NSA2: variants seen among roughly 807,000 people sequenced by gnomAD.
The protein encoded by NSA2 is ribosome biogenesis protein NSA2 homolog.
Under a neutral mutation model 34.8 loss-of-function variants are expected in NSA2, and 18 were observed. The ratio of observed to expected loss-of-function variants is 0.52; its 90% CI spans 0.36 to 0.77. The LOEUF (loss-of-function observed/expected upper bound fraction) is 0.77, where lower values mean the gene tolerates loss of function less well. Among genes scored for constraint, NSA2 ranks in the 30% least tolerant of loss-of-function variants. NSA2 has a pLI of 0.00. For missense variants in NSA2, 188 were observed against 314.7 expected, an observed-to-expected ratio of 0.60 and a Z score of 3.05; for synonymous variants, 79 against 100.2, an observed-to-expected ratio of 0.79 and a Z score of 1.26.
intron 3 of NSA2, chr5:74,769,575 C>A: frequency 4.9e-6 from 2 of 409,540 alleles, no homozygotes; most frequent in Non-Finnish European, 8.5e-6. Context: ...TATTAGAATG[C>A]CATATGAAAT....
Position 74,774,059 on chromosome 5 carries a change from G to T in NSA2, c.714G>T (p.Trp238Cys). The T allele has an allele frequency of 1.2e-6, 2 of 1,611,206 alleles. No homozygotes were observed. The highest frequency in any genetic ancestry group is 1.7e-6 in the Non-Finnish European group (2 of 1,177,864). The change falls in exon 5 of 6, where the codon TGG (tryptophan) becomes TGT (cysteine). Residue 238 changes from tryptophan (W) to cysteine (C), a missense_variant and splice_region_variant. By Grantham distance (215) the Trp-to-Cys change is radical. Transcript: ENST00000610426. ...TGACACAAGGAGGCAAAGTTATTTG[G>T]GGTAAGTGAATTTTTGAATACAGGG... is the stretch of plus-strand genomic sequence containing the variant. ...GLVTQGGKVI[W>C]GKYAQVTNNP...
rs1445711976 is a variant in NSA2, at chr5:74,777,471, A to AGGT, written c.*801_*803dup. 1 of 152,188 alleles carries AGGT rather than the reference A, an allele frequency of 6.6e-6. No individual in the cohort carries two copies. The highest frequency in any genetic ancestry group is 1.5e-5 in the Non-Finnish European group (1 of 67,980). The allele number at this position is 152,188 out of a possible 1,614,324, so 9.4% of individuals were successfully genotyped here. On this transcript the variant is annotated 3_prime_UTR_variant, in exon 6 of 6. Coordinates refer to ENST00000610426, the MANE Select transcript of NSA2 (RefSeq NM_014886.6). ...TTGCAGTTACTTAGATGATGTAAAA[A>AGGT]GGTAAGGATTTACGGTTGTAACTTG...
chr5:74,769,274 A>G lies in NSA2; in HGVS notation c.252A>G (p.Gly84=), dbSNP rs1395849760. 1 of 1,613,656 alleles carries G rather than the reference A, an allele frequency of 6.2e-7. No homozygotes were observed. The highest frequency in any genetic ancestry group is 1.7e-5 in the Admixed American group (1 of 59,940). The change falls in exon 3 of 6, where the codon GGA becomes GGG. Residue 84 remains glycine (G), a synonymous_variant. Coordinates refer to ENST00000610426, the MANE Select transcript of NSA2 (RefSeq NM_014886.6). ...AGAATGATGAAAAGACACCACAGGGAGCAGTACCTGCCTATCTGCTGGACA... is the reference window on the plus strand; with the variant it reads ...AGAATGATGAAAAGACACCACAGGGGGCAGTACCTGCCTATCTGCTGGACA... ...KQKNDEKTPQ[G]AVPAYLLDRE... is the part of the protein sequence containing the mutation.
chr5:74,772,262 C>T (rs1448998499), intron 4 of NSA2, among the ~76,000 whole-genome samples: 5 of 151,770 alleles, frequency 3.3e-5, no homozygotes, highest in Non-Finnish European at 7.4e-5. Flanking sequence ...GTAGCTGGGA[C>T]TATAGGTGCC....
At chr5:74,767,735 C>T (rs1014563693) in intron 1 of NSA2, among the ~76,000 whole-genome samples, 15 of 152,204 alleles carry the variant, frequency 9.9e-5, no homozygotes, top group African/African-American at 3.6e-4. Flanking sequence ...CCGCCCCCTT[C>T]ATTTTACTGC....
In NSA2 at chr5:74,777,562, A is replaced by G. The variant is rs1337799170; in HGVS notation, c.*891A>G. On this transcript the variant is annotated 3_prime_UTR_variant, in exon 6 of 6. Transcript: ENST00000610426. ...AGGATGGCGTATATTACATTAATCT[A>G]TAATCACCACATTGTTTTAAATTGT... 6.6e-6 allele frequency: 1 copy of G among 151,704 alleles called. No individual in the cohort carries two copies. Among genetic ancestry groups the G allele is most frequent in the African/African-American group, 2.4e-5 (1 of 41,168 alleles). The allele number at this position is 151,704 out of a possible 1,614,324, so 9.4% of individuals were successfully genotyped here. A position where few individuals can be genotyped will look rare whatever the true frequency, so the allele number is the denominator to read the frequency against.
intron 3 of NSA2, among the ~76,000 whole-genome samples, chr5:74,770,347 A>C (rs1744875991): frequency 6.6e-6 from 1 of 151,940 alleles, no homozygotes; most frequent in Non-Finnish European, 1.5e-5. Flanking sequence ...AAAAAAAAAA[A>C]AAAACCACCA....
At chr5:74,773,480 A>T (rs1204935098) in intron 4 of NSA2, among the ~76,000 whole-genome samples, 1 of 151,274 alleles carries the variant, frequency 6.6e-6, no homozygotes, top group African/African-American at 2.4e-5. Context: ...CAAAAAAAAA[A>T]AAAAAAAAAA....
chr5:74,767,378 T>G lies in NSA2; in HGVS notation c.3+15T>G. The G allele has an allele frequency of 1.9e-6, 3 of 1,612,620 alleles. No individual in the cohort carries two copies. The highest frequency in any genetic ancestry group is 2.5e-6 in the Non-Finnish European group (3 of 1,179,614). ...CCGTCACCATGGTAAGGAGGATGCC[T>G]CGGACGCTCGCGACACACAGCGTCT... On this transcript the variant is annotated intron_variant, in intron 1 of 5. Transcript: ENST00000610426.
rs1194700663 is a variant in NSA2 at position 74,777,560 on chromosome 5, C to G, written c.*889C>G. The stretch of plus-strand genomic sequence containing the variant: ...TAAGGATGGCGTATATTACATTAAT[C>G]TATAATCACCACATTGTTTTAAATT... On this transcript the variant is annotated 3_prime_UTR_variant, in exon 6 of 6. Coordinates refer to ENST00000610426, the MANE Select transcript of NSA2 (RefSeq NM_014886.6). The G allele has an allele frequency of 2.0e-5, 3 of 151,356 alleles. No individual in the cohort carries two copies. Among genetic ancestry groups the G allele is most frequent in the Non-Finnish European group, 4.4e-5 (3 of 67,646 alleles). 9.4% of individuals were successfully genotyped at this position (151,356 alleles called of 1,614,324 possible). A position where few individuals can be genotyped will look rare whatever the true frequency, so the allele number is the denominator to read the frequency against.
rs754982004 is a variant in NSA2, at chr5:74,776,655, C to T, written c.767C>T (p.Ala256Val). 114 of 1,576,650 alleles carry T rather than the reference C, an allele frequency of 7.2e-5. No homozygotes were observed. Among genetic ancestry groups the T allele is most frequent in the Admixed American group, 1.7e-4 (10 of 59,930 alleles). Reference sequence around the variant, plus strand: ...CCTGAAAATGATGGATGTATAAATGCAGTCTTACTGGTTTGACAGCAATTT... The same window carrying T: ...CCTGAAAATGATGGATGTATAAATGTAGTCTTACTGGTTTGACAGCAATTT... The part of the protein sequence containing the change: ...NNPENDGCIN[A>V]VLLV The change falls in exon 6 of 6, where the codon GCA becomes GTA. Residue 256 changes from alanine (A) to valine (V), a missense_variant. Transcript: ENST00000610426.
chr5:74,767,337 C>T lies in NSA2; in HGVS notation c.-24C>T, dbSNP rs1744707813. 3.1e-6 allele frequency: 5 copies of T among 1,613,356 alleles called. No homozygotes were observed. The highest frequency in any genetic ancestry group is 4.5e-5 in the East Asian group (2 of 44,868). On this transcript the variant is annotated 5_prime_UTR_variant, in exon 1 of 6. Coordinates refer to ENST00000610426, the MANE Select transcript of NSA2 (RefSeq NM_014886.6). ...GCGTTTTCGCACTCCAGCGGCTGCT[C>T]CTGGCGGCTCTGCGGCCGTCACCAT...
Position 74,767,282 on chromosome 5 carries a change from T to C in NSA2, c.-79T>C, listed in dbSNP as rs187164130. 4 of 1,584,590 alleles carry C rather than the reference T, an allele frequency of 2.5e-6. No individual in the cohort carries two copies. Among genetic ancestry groups the C allele is most frequent in the East Asian group, 4.5e-5 (2 of 44,644 alleles). On this transcript the variant is annotated 5_prime_UTR_variant, in exon 1 of 6. Coordinates refer to ENST00000610426, the MANE Select transcript of NSA2 (RefSeq NM_014886.6). Reference sequence around the variant, plus strand: ...CTGTCCCGGCCTGCGTGGTGTGGGCTTGTGGGTCTTTGAGACCCGAAAATT... The same window carrying C: ...CTGTCCCGGCCTGCGTGGTGTGGGCCTGTGGGTCTTTGAGACCCGAAAATT...
In NSA2 at chr5:74,779,856, T is replaced by C. The variant is rs1745324614; in HGVS notation, c.*3185T>C. The C allele has an allele frequency of 6.6e-6, 1 of 152,210 alleles. No homozygotes were observed. Among genetic ancestry groups the C allele is most frequent in the Non-Finnish European group, 1.5e-5 (1 of 68,022 alleles). The allele number at this position is 152,210 out of a possible 1,614,324, so 9.4% of individuals were successfully genotyped here. A position where few individuals can be genotyped will look rare whatever the true frequency, so the allele number is the denominator to read the frequency against. On this transcript the variant is annotated 3_prime_UTR_variant, in exon 6 of 6. Coordinates refer to ENST00000610426, the MANE Select transcript of NSA2 (RefSeq NM_014886.6). ...CCAAACAAAATTTACTGACCTGACA[T>C]CAGCTTACTATAGACTGAATACACT...
At position 74,778,890 on chromosome 5, in the gene NSA2, A is replaced by AT. The variant is rs1216201634; in HGVS notation, c.*2225dup. The AT allele has an allele frequency of 6.6e-6, 1 of 152,036 alleles. No individual in the cohort carries two copies. Among genetic ancestry groups the AT allele is most frequent in the Non-Finnish European group, 1.5e-5 (1 of 67,912 alleles). 9.4% of individuals were successfully genotyped at this position (152,036 alleles called of 1,614,324 possible). ...ATTTTCAGTCCTCTGTAATTGTGAAATTTTTTCTAATGCCTTGCAAAAACT... is the reference window on the plus strand; with the variant it reads ...ATTTTCAGTCCTCTGTAATTGTGAAATTTTTTTCTAATGCCTTGCAAAAACT... On this transcript the variant is annotated 3_prime_UTR_variant, in exon 6 of 6. Transcript: ENST00000610426.
In NSA2 at chr5:74,776,872, G is replaced by C. The variant is rs746248971; in HGVS notation, c.*201G>C. On this transcript the variant is annotated 3_prime_UTR_variant, in exon 6 of 6. Transcript: ENST00000610426. ...TGACCCCATGTTCATAAAACTGAAT[G>C]ATTGAAAAAAAGCAAATATACAAAT... 1 of 405,276 alleles carries C rather than the reference G, an allele frequency of 2.5e-6. No individual in the cohort carries two copies. The highest frequency in any genetic ancestry group is 4.5e-6 in the Non-Finnish European group (1 of 223,378). The allele number at this position is 405,276 out of a possible 1,614,324, so 25.1% of individuals were successfully genotyped here.
At chr5:74,767,545 C>G (rs1256498646) in intron 1 of NSA2, among the ~76,000 whole-genome samples, 182 bp downstream of exon 1, 2 of 152,216 alleles carry the variant, frequency 1.3e-5, no homozygotes, top group Non-Finnish European at 2.9e-5. Flanking sequence ...ATTCGAGACA[C>G]AGACGGTATT....
At chr5:74,770,529 C>A in intron 3 of NSA2, 102 bp from the exon 4 acceptor site, 1 of 956,636 alleles carries the variant, frequency 1.0e-6, no homozygotes, top group Non-Finnish European at 1.5e-6. Flanking sequence ...GATGGTCAAG[C>A]AAAAAAAATA....
chr5:74,769,646 C>T, intron 3 of NSA2: 1 of 240,458 alleles, frequency 4.2e-6, no homozygotes, highest in African/African-American at 2.2e-5. Context: ...TGAAAACCCA[C>T]AGTGCTATGC....
Sources: gnomAD v4.1 joint callset for allele counts (sites outside exome capture counted in the v4.1 genomes callset) on GRCh38, gnomAD v4.1.1 for gene constraint, MANE v1.5 for transcripts, NCBI Gene and HGNC (gene_info 2026-07-23, HGNC 2026-07-21) for gene names.